The following DHRSX variants were observed in gnomAD, a reference collection of about 807,000 sequenced individuals.
DHRSX encodes polyprenol dehydrogenase.
In DHRSX, 31 loss-of-function variants were observed where a neutral mutation model predicts 34.0. That is an observed-to-expected ratio of 0.91 (90% CI 0.69 to 1.23). DHRSX has a LOEUF of 1.23. DHRSX is among the 50% of genes most tolerant of loss of function. The pLI, the probability that DHRSX is intolerant of heterozygous loss-of-function variation, is 0.00. For synonymous variants in DHRSX, 201 were observed against 183.8 expected (o/e 1.09, Z -0.76); for missense variants, 414 against 428.1 (o/e 0.97, Z 0.29).
intron 1 of DHRSX, among the ~76,000 whole-genome samples, chrX:2,495,967 T>C (rs1048424542): frequency 2.6e-5 from 4 of 152,158 alleles, no homozygotes; most frequent in African/African-American, 9.7e-5. Flanking sequence ...TGGATGAGAC[T>C]GACAAAACCC....
intron 3 of DHRSX, among the ~76,000 whole-genome samples, chrX:2,320,348 G>A (rs919374840): frequency 7.0e-6 from 1 of 143,282 alleles, no homozygotes; most frequent in Non-Finnish European, 1.5e-5. Context: ...AGGCTGGACT[G>A]CAGTGGGGTG....
At chrX:2,478,040 A>G (rs1170388608) in intron 1 of DHRSX, among the ~76,000 whole-genome samples, 1 of 152,204 alleles carries the variant, frequency 6.6e-6, no homozygotes, top group Admixed American at 6.5e-5. Flanking sequence ...AAATCCGAAG[A>G]TTCAGGTTCT....
chrX:2,259,387 G>GAT (rs1252269127), intron 5 of DHRSX, among the ~76,000 whole-genome samples: 4 of 90,798 alleles, frequency 4.4e-5, no homozygotes, highest in African/African-American at 9.9e-5. Context: ...TATATATATA[G>GAT]ATATATAGAT....
At chrX:2,342,140 C>T (rs2042648959) in intron 3 of DHRSX, among the ~76,000 whole-genome samples, 1 of 152,046 alleles carries the variant, frequency 6.6e-6, no homozygotes, top group African/African-American at 2.4e-5. Context: ...CGTGAAGGTT[C>T]AGTAAGAGCT....
Position 2,265,873 on chromosome X carries a change from C to T in DHRSX, c.596+867G>A, listed in dbSNP as rs1183529438. 4.2e-5 allele frequency among the ~76,000 whole-genome samples: 6 copies of T among 142,234 alleles called. No homozygotes were observed. In the East Asian group the frequency reaches 1.3e-3, roughly 32 times the overall value. The allele number at this position is 142,234 out of a possible 152,430, so 93.3% of individuals were successfully genotyped here. A position where few individuals can be genotyped will look rare whatever the true frequency, so the allele number is the denominator to read the frequency against. On this transcript the variant is annotated intron_variant, in intron 5 of 6. Coordinates refer to ENST00000334651, the MANE Select transcript of DHRSX (RefSeq NM_145177.3). Reference sequence around the variant, plus strand: ...CACAGGGAGCACCGTCCCCAGAGCACCAATGCTCGGCGGACACAGGGAGCA... The same window carrying T: ...CACAGGGAGCACCGTCCCCAGAGCATCAATGCTCGGCGGACACAGGGAGCA...
intron 1 of DHRSX, chrX:2,488,608 T>C (rs747281418): frequency 1.3e-6 from 2 of 1,558,146 alleles, no homozygotes; most frequent in Non-Finnish European, 1.7e-6. Context: ...GCTGCGGGGA[T>C]GACTTGTAAG....
At chrX:2,284,359 T>A (rs1238233757) in intron 4 of DHRSX, among the ~76,000 whole-genome samples, 1 of 91,890 alleles carries the variant, frequency 1.1e-5, no homozygotes, top group Non-Finnish European at 3.1e-5. Flanking sequence ...AATTCTTTCA[T>A]TCATTCATTC....
intron 6 of DHRSX, among the ~76,000 whole-genome samples, chrX:2,229,577 C>G (rs1258113724): frequency 1.3e-5 from 2 of 151,712 alleles, no homozygotes; most frequent in African/African-American, 4.8e-5. Flanking sequence ...TGTGTGTGCA[C>G]AGATATGCAT....
intron 1 of DHRSX, among the ~76,000 whole-genome samples, chrX:2,464,488 C>T (rs1256754312): frequency 1.1e-5 from 1 of 87,804 alleles, no homozygotes; most frequent in Admixed American, 1.1e-4. Context: ...CCTAAGAATG[C>T]GTCCAGGGGA....
At chrX:2,479,249 GACC>G (rs1374800222) in intron 1 of DHRSX, among the ~76,000 whole-genome samples, 22 of 151,784 alleles carry the variant, frequency 1.4e-4, no homozygotes, top group South Asian at 6.2e-4. Flanking sequence ...GTGGCTAAGG[GACC>G]ACCACCATGT....
chrX:2,255,731 T>C (rs930211770), intron 5 of DHRSX, among the ~76,000 whole-genome samples: 1 of 150,460 alleles, frequency 6.6e-6, no homozygotes, highest in African/African-American at 2.4e-5. Context: ...ACCAACATGG[T>C]GAAAACCCAG....
At chrX:2,351,202 C>A (rs1439158648) in intron 3 of DHRSX, among the ~76,000 whole-genome samples, 1 of 152,070 alleles carries the variant, frequency 6.6e-6, no homozygotes, top group Non-Finnish European at 1.5e-5. Context: ...ACCTATGTAA[C>A]GAACCTGCAC....
chrX:2,461,415 C>T (rs1032810121), intron 1 of DHRSX, among the ~76,000 whole-genome samples: 14 of 152,246 alleles, frequency 9.2e-5, no homozygotes, highest in African/African-American at 3.1e-4. Context: ...AAAAGAAAGG[C>T]TACCCTCTTT....
At chrX:2,469,827 C>G (rs1040729945) in intron 1 of DHRSX, among the ~76,000 whole-genome samples, 1 of 152,156 alleles carries the variant, frequency 6.6e-6, no homozygotes, top group South Asian at 2.1e-4. Flanking sequence ...GAAGACGTTC[C>G]AAAGGTCCAG....
At chrX:2,264,931 G>A (rs1171665937) in intron 5 of DHRSX, among the ~76,000 whole-genome samples, 2 of 99,466 alleles carry the variant, frequency 2.0e-5, no homozygotes, top group Non-Finnish European at 4.0e-5. Flanking sequence ...GAGCACCCAT[G>A]CCCAGCAGAC....
chrX:2,361,395 G>A (rs1448412062), intron 3 of DHRSX, among the ~76,000 whole-genome samples: 1 of 151,990 alleles, frequency 6.6e-6, no homozygotes, highest in African/African-American at 2.4e-5. Flanking sequence ...GTGAGCTACC[G>A]CACCCAGCTC....
chrX:2,468,905 T>G (rs1262474283), intron 1 of DHRSX, among the ~76,000 whole-genome samples: 2 of 140,132 alleles, frequency 1.4e-5, no homozygotes, highest in East Asian at 4.4e-4. Flanking sequence ...TAAGGCCAAG[T>G]GACCGCTGCC....
chrX:2,222,510 CAG>C (rs1225138070), intron 6 of DHRSX, among the ~76,000 whole-genome samples: 1 of 152,206 alleles, frequency 6.6e-6, no homozygotes, highest in East Asian at 1.9e-4. Context: ...GAATAAAGAC[CAG>C]ATATTGCCTT....
At chrX:2,282,406 GAGAA>G (rs2041717205) in intron 4 of DHRSX, among the ~76,000 whole-genome samples, 1 of 148,656 alleles carries the variant, frequency 6.7e-6, no homozygotes, top group Non-Finnish European at 1.5e-5. Flanking sequence ...GAGAGAAAGA[GAGAA>G]AGGGGGAGAG....
Sources: gnomAD v4.1 joint callset for allele counts (sites outside exome capture counted in the v4.1 genomes callset) on GRCh38, gnomAD v4.1.1 for gene constraint, MANE v1.5 for transcripts, NCBI Gene and HGNC (gene_info 2026-07-23, HGNC 2026-07-21) for gene names.